The following EDN1 variants were observed in gnomAD, a reference collection of about 807,000 sequenced individuals.
EDN1 encodes endothelin 1.
EDN1 carries 11 observed loss-of-function variants against 21.7 expected under a neutral mutation model. That is an observed-to-expected ratio of 0.51 (90% confidence interval 0.32 to 0.84). EDN1 has a LOEUF of 0.84. Ranked by LOEUF, EDN1 falls within the 40% of genes least tolerant of loss-of-function variation. The pLI is 0.03. For missense variants in EDN1, 244 were observed against 262.3 expected (o/e 0.93, Z 0.48); for synonymous variants, 85 against 90.6 (o/e 0.94, Z 0.35).
chr6:12,278,578 A>G, the EDN1 span, among the ~76,000 whole-genome samples: 4,855 of 152,242 alleles, frequency 0.032, 87 homozygotes, highest in Middle Eastern at 0.058. Flanking sequence ...TTCAAATCCT[A>G]CATTTAAAAA....
chr6:12,261,650 G>A, the EDN1 span, among the ~76,000 whole-genome samples: 2 of 152,216 alleles, frequency 1.3e-5, no homozygotes, highest in African/African-American at 4.8e-5. Flanking sequence ...GCTGAGGAAA[G>A]GCTGTGTGGG....
chr6:12,295,553 C>A (rs1017936335), intron 4 of EDN1, among the ~76,000 whole-genome samples: 2 of 151,854 alleles, frequency 1.3e-5, no homozygotes, highest in African/African-American at 4.8e-5. Flanking sequence ...TGCTTCTTTT[C>A]TTTTTCTCTC....
chr6:12,247,575 T>C, the EDN1 span, among the ~76,000 whole-genome samples: 1 of 141,456 alleles, frequency 7.1e-6, no homozygotes, highest in African/African-American at 2.6e-5. Flanking sequence ...GTCTCACTCC[T>C]TCACCCAGGC....
chr6:12,292,805 C>T (rs759488850), intron 2 of EDN1, among the ~76,000 whole-genome samples: 1 of 152,190 alleles, frequency 6.6e-6, no homozygotes, highest in Non-Finnish European at 1.5e-5. Context: ...GGGGGACACT[C>T]TCACAGTGGC....
chr6:12,233,827 G>A, the EDN1 span, among the ~76,000 whole-genome samples: 6 of 152,132 alleles, frequency 3.9e-5, no homozygotes, highest in East Asian at 1.9e-4. Flanking sequence ...CCCTTCTTCC[G>A]CTCCTCCTCC....
At chr6:12,292,976 C>G (rs1762724135) in intron 2 of EDN1, among the ~76,000 whole-genome samples, 1 of 152,148 alleles carries the variant, frequency 6.6e-6, no homozygotes. Flanking sequence ...AGTGTTGAAG[C>G]CATTTGTGCA....
intron 4 of EDN1, among the ~76,000 whole-genome samples, chr6:12,294,615 G>C (rs745729573): frequency 6.6e-6 from 1 of 152,168 alleles, no homozygotes; most frequent in Non-Finnish European, 1.5e-5. Flanking sequence ...AATGCAAACC[G>C]ATGTCCTCTG....
At chr6:12,264,810 G>A in the EDN1 span, among the ~76,000 whole-genome samples, 1 of 152,144 alleles carries the variant, frequency 6.6e-6, no homozygotes. Context: ...GATGAACTGG[G>A]CAGTAGGAGG....
chr6:12,232,124 A>T, the EDN1 span, among the ~76,000 whole-genome samples: 1 of 145,028 alleles, frequency 6.9e-6, no homozygotes, highest in African/African-American at 2.5e-5. Context: ...TATTATATAA[A>T]ATTATAATAT....
At chr6:12,292,715 G>A (rs764428619) in intron 2 of EDN1, among the ~76,000 whole-genome samples, 3 of 152,126 alleles carry the variant, frequency 2.0e-5, no homozygotes, top group Non-Finnish European at 4.4e-5. Flanking sequence ...CTGAGGCCCC[G>A]TAGCTCAGGC....
At chr6:12,272,607 G>A in the EDN1 span, among the ~76,000 whole-genome samples, 8 of 149,312 alleles carry the variant, frequency 5.4e-5, no homozygotes, top group Non-Finnish European at 8.9e-5. Context: ...GCAGGCATGC[G>A]CCACTATGCC....
the EDN1 span, among the ~76,000 whole-genome samples, chr6:12,242,956 T>A: frequency 2.6e-5 from 4 of 152,304 alleles, no homozygotes; most frequent in East Asian, 7.7e-4. Context: ...AGTATTCATT[T>A]GTATAATTAC....
chr6:12,241,900 T>C, the EDN1 span, among the ~76,000 whole-genome samples: 1 of 152,220 alleles, frequency 6.6e-6, no homozygotes, highest in Non-Finnish European at 1.5e-5. Context: ...ATGGTGGGAA[T>C]TTCTTTTGAA....
chr6:12,276,996 A>G, the EDN1 span, among the ~76,000 whole-genome samples: 1 of 152,228 alleles, frequency 6.6e-6, no homozygotes, highest in Admixed American at 6.5e-5. Flanking sequence ...GAAAGGAGGA[A>G]CAGGGACTTT....
At chr6:12,260,941 T>C in the EDN1 span, among the ~76,000 whole-genome samples, 3 of 152,326 alleles carry the variant, frequency 2.0e-5, no homozygotes, top group Non-Finnish European at 4.4e-5. Flanking sequence ...TATAAATTGT[T>C]ACAACCACCC....
the EDN1 span, among the ~76,000 whole-genome samples, chr6:12,266,401 G>A: frequency 6.6e-6 from 1 of 152,182 alleles, no homozygotes; most frequent in Non-Finnish European, 1.5e-5. Flanking sequence ...AGAGCAGGAG[G>A]GAAGAACACA....
At chr6:12,284,090 T>C in the EDN1 span, among the ~76,000 whole-genome samples, 1 of 152,186 alleles carries the variant, frequency 6.6e-6, no homozygotes, top group Non-Finnish European at 1.5e-5. Flanking sequence ...GAATATAAAA[T>C]CCATGCTACC....
At chr6:12,292,911 A>G (rs889479344) in intron 2 of EDN1, among the ~76,000 whole-genome samples, 2 of 152,206 alleles carry the variant, frequency 1.3e-5, no homozygotes, top group Non-Finnish European at 2.9e-5. Context: ...GGCAGAAGTG[A>G]TGATATAGAG....
At chr6:12,237,410 A>C in the EDN1 span, among the ~76,000 whole-genome samples, 1,975 of 152,342 alleles carry the variant, frequency 0.013, 39 homozygotes, top group African/African-American at 0.044. Flanking sequence ...AGTGATACCT[A>C]GGCTGGAAGA....
Sources: allele counts gnomAD v4.1 joint callset (sites outside exome capture counted in the v4.1 genomes callset), GRCh38; gene constraint gnomAD v4.1.1; transcripts MANE v1.5; gene names NCBI Gene and HGNC (gene_info 2026-07-23, HGNC 2026-07-21).